The following FHIP1A variants were observed in gnomAD, a reference collection of about 807,000 sequenced individuals.
The protein encoded by FHIP1A is FHF complex subunit HOOK interacting protein 1A, also known as FHF complex subunit HOOK-interacting protein 1A.
Under a neutral mutation model 88.6 loss-of-function variants are expected in FHIP1A, and 61 were observed. That is an observed-to-expected ratio of 0.69 (90% CI 0.56 to 0.85). FHIP1A has a LOEUF of 0.85. FHIP1A is among the 40% of genes least tolerant of loss of function. FHIP1A has a pLI of 0.00. For missense variants in FHIP1A, 1,154 were observed against 1,273.5 expected (o/e 0.91, Z 1.43); for synonymous variants, 478 against 496.0 (o/e 0.96, Z 0.48).
intron 4 of FHIP1A, among the ~76,000 whole-genome samples, chr4:151,571,168 C>G (rs1027431716): frequency 1.3e-5 from 2 of 152,190 alleles, no homozygotes; most frequent in African/African-American, 2.4e-5. Context: ...TCTATCTGCT[C>G]CTTTCAAGCA....
At chr4:151,568,932 G>C (rs1011811911) in intron 4 of FHIP1A, among the ~76,000 whole-genome samples, 2 of 152,174 alleles carry the variant, frequency 1.3e-5, no homozygotes, top group Admixed American at 1.3e-4. Flanking sequence ...AGAGATGTGG[G>C]ACCAAAAGTA....
intron 3 of FHIP1A, among the ~76,000 whole-genome samples, chr4:151,561,661 A>AT (rs890248639): frequency 6.6e-6 from 1 of 152,100 alleles, no homozygotes; most frequent in Non-Finnish European, 1.5e-5. Context: ...CTTTTTATAT[A>AT]TTTTTTATGT....
chr4:151,444,093 C>T (rs1426568423), intron 1 of FHIP1A, among the ~76,000 whole-genome samples: 1 of 151,158 alleles, frequency 6.6e-6, no homozygotes, highest in African/African-American at 2.5e-5. Context: ...TGGAGAGCAG[C>T]TTTCCCCCGT....
At chr4:151,451,583 G>A (rs371622193) in intron 1 of FHIP1A, among the ~76,000 whole-genome samples, 3 of 152,018 alleles carry the variant, frequency 2.0e-5, no homozygotes, top group African/African-American at 2.4e-5. Context: ...ATTGAACTAT[G>A]AAAGCACACC....
At chr4:151,455,538 T>G (rs1440839545) in intron 2 of FHIP1A, among the ~76,000 whole-genome samples, 1 of 152,060 alleles carries the variant, frequency 6.6e-6, no homozygotes, top group African/African-American at 2.4e-5. Context: ...GGACTAGGAG[T>G]CAATTTCATT....
intron 3 of FHIP1A, among the ~76,000 whole-genome samples, chr4:151,543,774 G>T (rs1355257674): frequency 6.6e-6 from 1 of 152,092 alleles, no homozygotes. Context: ...TTGTTATTTA[G>T]ACTGTAGTGG....
Position 151,646,668 on chromosome 4 carries a change from G to A in FHIP1A, c.1337G>A (p.Cys446Tyr). 6 of 1,551,560 alleles carry A rather than the reference G, an allele frequency of 3.9e-6. No individual in the cohort carries two copies. Among genetic ancestry groups the A allele is most frequent in the Non-Finnish European group, 5.2e-6 (6 of 1,146,862 alleles). The change falls in exon 10 of 14, where the codon TGC becomes TAC. Residue 446 changes from cysteine (C) to tyrosine (Y), a missense_variant. Physicochemically the swap from Cys to Tyr is radical, Grantham distance 194. Coordinates refer to ENST00000435205, the MANE Select transcript of FHIP1A (RefSeq NM_001109977.3). ...CTTCTCGCCTTGACTCCTGTCTGCT[G>A]CTCCAGCGGGATCACTCTGACGCTG... ...AKLLALTPVC[C>Y]SSGITLTLGN...
intron 3 of FHIP1A, among the ~76,000 whole-genome samples, chr4:151,491,135 C>G (rs1226088431): frequency 6.6e-6 from 1 of 152,012 alleles, no homozygotes; most frequent in Non-Finnish European, 1.5e-5. Flanking sequence ...ATAAGAAGCT[C>G]AAAGAACATC....
chr4:151,667,399 C>G lies in FHIP1A; in HGVS notation c.*4645C>G, dbSNP rs1420003648. 1 of 152,204 alleles carries G rather than the reference C, an allele frequency of 6.6e-6. No individual in the cohort carries two copies. Among genetic ancestry groups the G allele is most frequent in the Non-Finnish European group, 1.5e-5 (1 of 68,050 alleles). The allele number at this position is 152,204 out of a possible 1,614,324, so 9.4% of individuals were successfully genotyped here. A position where few individuals can be genotyped will look rare whatever the true frequency, so the allele number is the denominator to read the frequency against. ...ATGCAGTTGACTCTTTCCCCCCCTT[C>G]TTTTTGAATGAACCTCGTAAACCTA... On this transcript the variant is annotated 3_prime_UTR_variant, in exon 14 of 14. Coordinates refer to ENST00000435205, the MANE Select transcript of FHIP1A (RefSeq NM_001109977.3).
chr4:151,568,159 A>G (rs1315573022), intron 4 of FHIP1A, among the ~76,000 whole-genome samples: 1 of 152,214 alleles, frequency 6.6e-6, no homozygotes, highest in Admixed American at 6.5e-5. Context: ...TCCCAGAATC[A>G]TATTATTCAT....
At position 151,609,984 on chromosome 4, in the gene FHIP1A, T is replaced by C. The variant is rs147618270; in HGVS notation, c.979-19718T>C. Among the ~76,000 whole-genome samples, 869 of 152,354 alleles carry C rather than the reference T, an allele frequency of 5.7e-3. 7 individuals are homozygous for C. The highest frequency in any genetic ancestry group is 0.017 in the Middle Eastern group (5 of 294). On this transcript the variant is annotated intron_variant, in intron 7 of 13. Transcript: ENST00000435205. ...GCAAAGAGGAAGGCACATTTATTCATTGACATGAACCTAGATGTAGTGGTA... is the reference window on the plus strand; with the variant it reads ...GCAAAGAGGAAGGCACATTTATTCACTGACATGAACCTAGATGTAGTGGTA...
chr4:151,504,909 C>T (rs993465412), intron 3 of FHIP1A, among the ~76,000 whole-genome samples: 2 of 152,170 alleles, frequency 1.3e-5, no homozygotes, highest in South Asian at 2.1e-4. Context: ...GGAGCCGCCG[C>T]GCCCAGCCTG....
rs555364482 is a variant in FHIP1A at position 151,435,556 on chromosome 4, G to A, written c.-355-19145G>A. Among the ~76,000 whole-genome samples the A allele has an allele frequency of 2.8e-4, 43 of 152,150 alleles. 1 individual carries two copies. The highest frequency in any genetic ancestry group is 2.5e-3 in the South Asian group (12 of 4,816). ...TCCCAGCACTTTGGGAGGCTGAGGC[G>A]GCTGGATCACCTGAGGTCAGGAGTT... On this transcript the variant is annotated intron_variant, in intron 1 of 13. Coordinates refer to ENST00000435205, the MANE Select transcript of FHIP1A (RefSeq NM_001109977.3).
Position 151,664,611 on chromosome 4 carries a change from G to A in FHIP1A, c.*1857G>A, listed in dbSNP as rs77953831. On this transcript the variant is annotated 3_prime_UTR_variant, in exon 14 of 14. Transcript: ENST00000435205. ...GCTTCTGGCTTCCTGATGTCTGGTT[G>A]TATTTGCACAGCCCACAACTCTCCA... Among the ~76,000 whole-genome samples, 1,479 of 152,334 alleles carry A rather than the reference G, an allele frequency of 9.7e-3. 20 individuals carry two copies. Among genetic ancestry groups the A allele is most frequent in the African/African-American group, 0.034 (1,406 of 41,576 alleles).
intron 3 of FHIP1A, among the ~76,000 whole-genome samples, chr4:151,560,835 A>T (rs545679987): frequency 7.1e-4 from 108 of 152,296 alleles, no homozygotes; most frequent in Admixed American, 2.1e-3. Flanking sequence ...TACATTCTAA[A>T]TCCTTGCCTA....
intron 3 of FHIP1A, among the ~76,000 whole-genome samples, chr4:151,504,954 T>C: frequency 6.6e-6 from 1 of 152,108 alleles, no homozygotes; most frequent in East Asian, 1.9e-4. Flanking sequence ...AGAAGAAAAC[T>C]GTCAGGACTC....
intron 1 of FHIP1A, among the ~76,000 whole-genome samples, chr4:151,434,216 T>A (rs1239528418): frequency 6.6e-6 from 1 of 152,196 alleles, no homozygotes; most frequent in East Asian, 1.9e-4. Flanking sequence ...ACTACCCTAA[T>A]TTATACTCTT....
At chr4:151,508,844 A>G (rs935295914) in intron 3 of FHIP1A, among the ~76,000 whole-genome samples, 5 of 152,142 alleles carry the variant, frequency 3.3e-5, no homozygotes, top group South Asian at 2.1e-4. Context: ...CAGCATTTAC[A>G]TACTCTCTTT....
intron 4 of FHIP1A, among the ~76,000 whole-genome samples, chr4:151,573,941 G>T (rs534140722): frequency 1.6e-4 from 24 of 152,334 alleles, no homozygotes; most frequent in African/African-American, 5.8e-4. Flanking sequence ...CATTGGGACA[G>T]AAGTTCTTTG....
Sources: gnomAD v4.1 joint callset for allele counts (sites outside exome capture counted in the v4.1 genomes callset) on GRCh38, gnomAD v4.1.1 for gene constraint, MANE v1.5 for transcripts, NCBI Gene and HGNC (gene_info 2026-07-23, HGNC 2026-07-21) for gene names.